C11orf16: variants seen among roughly 807,000 people sequenced by gnomAD.
The protein encoded by C11orf16 is uncharacterized protein C11orf16.
Under a neutral mutation model 45.1 loss-of-function variants are expected in C11orf16, and 38 were observed. The observed-to-expected ratio is 0.84, with a 90% CI of 0.65 to 1.10. The LOEUF (loss-of-function observed/expected upper bound fraction) is 1.10, where lower values mean the gene tolerates loss of function less well. C11orf16 is among the 50% of genes least tolerant of loss of function. The pLI, the probability that C11orf16 is intolerant of heterozygous loss-of-function variation, is 0.00. For missense variants in C11orf16, 583 were observed against 569.5 expected (o/e 1.02, Z -0.24); for synonymous variants, 221 against 222.0 (o/e 1.00, Z 0.04).
rs368764992 is a variant in C11orf16, at chr11:8,929,466, T to C, written c.235A>G (p.Arg79Gly). The change falls in exon 3 of 7, where the codon AGA (arginine) becomes GGA (glycine). Residue 79 changes from arginine (R) to glycine (G), a missense_variant. Physicochemically the swap from Arg to Gly is moderately radical, Grantham distance 125. Coordinates refer to ENST00000326053, the MANE Select transcript of C11orf16 (RefSeq NM_020643.3). ...CATGTGTTGGCAGCATCTCCAGCTC[T>C]TCCCAGCCAGCCAGGCCCCTGCCAT... Reference protein sequence around the residue: ...PAWQGPGWLGRAGDAANTWVL... With the variant: ...PAWQGPGWLGGAGDAANTWVL... 10 of 1,614,034 alleles carry C rather than the reference T, an allele frequency of 6.2e-6. No homozygotes were observed. Among genetic ancestry groups the C allele is most frequent in the Non-Finnish European group, 8.5e-6 (10 of 1,179,890 alleles).
intron 5 of C11orf16, 131 bp from the exon 6 acceptor site, chr11:8,921,646 G>T: frequency 1.1e-6 from 1 of 892,636 alleles, no homozygotes; most frequent in Non-Finnish European, 1.7e-6. Context: ...ATGTATTTGA[G>T]ACAGGGTCTT....
At chr11:8,932,391 G>T in intron 1 of C11orf16, 65 bp from the exon 2 acceptor site, 1 of 1,359,472 alleles carries the variant, frequency 7.4e-7, no homozygotes, top group Non-Finnish European at 9.8e-7. Context: ...CCGGGGCGAG[G>T]CAGGGCTCAG....
At position 8,927,120 on chromosome 11, in the gene C11orf16, G is replaced by C; in HGVS notation, c.379C>G (p.Pro127Ala). The change falls in exon 4 of 7, where the codon CCA becomes GCA. Residue 127 changes from proline (P) to alanine (A), a missense_variant. Coordinates refer to ENST00000326053, the MANE Select transcript of C11orf16 (RefSeq NM_020643.3). ...CTCTGCTGCTGGGCTGGCAGCTTTGGGCCTGCGACAAGAGGAGCCTCGAAT... is the reference window on the plus strand; with the variant it reads ...CTCTGCTGCTGGGCTGGCAGCTTTGCGCCTGCGACAAGAGGAGCCTCGAAT... ...VEFEAPLVAG[P>A]KLPAQQQRVV... 1 of 1,614,060 alleles carries C rather than the reference G, an allele frequency of 6.2e-7. No homozygotes were observed. The highest frequency in any genetic ancestry group is 1.1e-5 in the South Asian group (1 of 91,078).
At chr11:8,932,687 A>T (rs117564057) in intron 1 of C11orf16, among the ~76,000 whole-genome samples, 3,138 of 152,146 alleles carry the variant, frequency 0.021, 44 homozygotes, top group Middle Eastern at 0.034. Flanking sequence ...TTATGTTAGT[A>T]TTTTTCCTCC....
intron 6 of C11orf16, 40 bp downstream of exon 6, chr11:8,921,254 G>T: frequency 6.5e-7 from 1 of 1,532,140 alleles, no homozygotes; most frequent in Non-Finnish European, 9.0e-7. Flanking sequence ...ACCCATGTGA[G>T]GAGTCCTTAG....
Position 8,929,477 on chromosome 11 carries a change from C to T in C11orf16, c.224G>A (p.Gly75Asp), listed in dbSNP as rs1426560098. 2 of 1,614,004 alleles carry T rather than the reference C, an allele frequency of 1.2e-6. No homozygotes were observed. The highest frequency in any genetic ancestry group is 1.7e-6 in the Non-Finnish European group (2 of 1,180,014). The change falls in exon 3 of 7, where the codon GGC (glycine) becomes GAC (aspartate). Residue 75 changes from glycine to aspartate, a missense_variant. By Grantham distance (94) the Gly-to-Asp change is moderately conservative (BLOSUM62 -1). Transcript: ENST00000326053. ...HVADPAWQGP[G>D]WLGRAGDAAN... ...AGCATCTCCAGCTCTTCCCAGCCAG[C>T]CAGGCCCCTGCCATGCTGGGTCGGC...
At chr11:8,928,123 G>C (rs2064627227) in intron 3 of C11orf16, among the ~76,000 whole-genome samples, 1 of 152,036 alleles carries the variant, frequency 6.6e-6, no homozygotes, top group Non-Finnish European at 1.5e-5. Context: ...GGCCAGGCTG[G>C]TCTCGAATTT....
Position 8,921,310 on chromosome 11 carries a change from C to T in C11orf16, c.*6G>A, listed in dbSNP as rs2064570801. ...CTGCTTTACCTAGATCCTCAGGGCT[C>T]TTAGTCTAACGGGAATTCTTGTTCC... On this transcript the variant is annotated 3_prime_UTR_variant, in exon 6 of 7. Coordinates refer to ENST00000326053, the MANE Select transcript of C11orf16 (RefSeq NM_020643.3). 1.2e-6 allele frequency: 2 copies of T among 1,613,966 alleles called. No individual in the cohort carries two copies. Among genetic ancestry groups the T allele is most frequent in the Non-Finnish European group, 8.5e-7 (1 of 1,179,980 alleles).
Position 8,929,516 on chromosome 11 carries a change from G to A in C11orf16, c.185C>T (p.Pro62Leu), listed in dbSNP as rs771633494. Residue 62 changes from proline to leucine, a missense_variant, in exon 3 of 7, where the codon CCA becomes CTA. By Grantham distance (98) the Pro-to-Leu change is moderately conservative (BLOSUM62 -3). Coordinates refer to ENST00000326053, the MANE Select transcript of C11orf16 (RefSeq NM_020643.3). ...TGCTGGGTCGGCAACGTGGAGACAT[G>A]GGCAAGAAGAGGCATGCCTGGAAAA... ...KPLARHASSC[P>L]CLHVADPAWQ... The A allele has an allele frequency of 3.7e-6, 6 of 1,613,068 alleles. No homozygotes were observed. The highest frequency in any genetic ancestry group is 5.1e-6 in the Non-Finnish European group (6 of 1,179,678).
intron 4 of C11orf16, among the ~76,000 whole-genome samples, chr11:8,926,674 C>A (rs919284192): frequency 6.6e-6 from 1 of 152,068 alleles, no homozygotes; most frequent in Non-Finnish European, 1.5e-5. Flanking sequence ...AGTAGCTAAA[C>A]CATGGTTTAG....
chr11:8,929,376 C>A lies in C11orf16; in HGVS notation c.324+1G>T. On this transcript the variant is annotated splice_donor_variant, in intron 3 of 6. Transcript: ENST00000326053. LOFTEE classifies it high-confidence loss of function. Reference sequence around the variant, plus strand: ...GGGAGATACTGGGGTCAGGGACTTGCCTCGGGAGTGGCCTTTATTTGGGCC... The same window carrying A: ...GGGAGATACTGGGGTCAGGGACTTGACTCGGGAGTGGCCTTTATTTGGGCC... 1 of 1,613,148 alleles carries A rather than the reference C, an allele frequency of 6.2e-7. No individual in the cohort carries two copies. Among genetic ancestry groups the A allele is most frequent in the Non-Finnish European group, 8.5e-7 (1 of 1,179,510 alleles).
In C11orf16 at chr11:8,926,095, T is replaced by C. The variant is rs780606122; in HGVS notation, c.572A>G (p.Lys191Arg). 8 of 1,596,772 alleles carry C rather than the reference T, an allele frequency of 5.0e-6. No homozygotes were observed. In the South Asian group the frequency reaches 8.9e-5, roughly 18 times the overall value. ...ATTCCAGAAATGAACAGTGATTTCTTTTTCCTTTGATGCTACATAACAAAA... is the reference window on the plus strand; with the variant it reads ...ATTCCAGAAATGAACAGTGATTTCTCTTTCCTTTGATGCTACATAACAAAA... ...MRDPQRASKE[K>R]EITVHFWNGK... is the part of the protein sequence containing the mutation. The change falls in exon 5 of 7, where the codon AAA (lysine) becomes AGA (arginine). Residue 191 changes from lysine (K) to arginine (R), a missense_variant. Lys to Arg is a conservative substitution (Grantham distance 26). Transcript: ENST00000326053.
In C11orf16 at chr11:8,922,635, A is replaced by C. The variant is rs75751935; in HGVS notation, c.1205-1120T>G. ...GAAAGTGTGGAGGACAGAGAAACCT[A>C]TGCAAGAGCTTTTGTGAGAGGCAAA... is the stretch of plus-strand genomic sequence containing the variant. On this transcript the variant is annotated intron_variant, in intron 5 of 6. Coordinates refer to ENST00000326053, the MANE Select transcript of C11orf16 (RefSeq NM_020643.3). 7.2e-3 allele frequency among the ~76,000 whole-genome samples: 1,091 copies of C among 152,314 alleles called. 6 individuals are homozygous for C. Among genetic ancestry groups the C allele is most frequent in the Non-Finnish European group, 0.012 (839 of 68,026 alleles).
chr11:8,921,517 T>C lies in C11orf16; in HGVS notation c.1205-2A>G. On this transcript the variant is annotated splice_acceptor_variant, in intron 5 of 6. Coordinates refer to ENST00000326053, the MANE Select transcript of C11orf16 (RefSeq NM_020643.3). LOFTEE classifies it high-confidence loss of function. Reference sequence around the variant, plus strand: ...TGCAGATGTTGGAATATCTTGTTCCTAAACCCAAAAGTCAATTACTTAGGT... The same window carrying C: ...TGCAGATGTTGGAATATCTTGTTCCCAAACCCAAAAGTCAATTACTTAGGT... 6.2e-7 allele frequency: 1 copy of C among 1,614,100 alleles called. No individual in the cohort carries two copies. The highest frequency in any genetic ancestry group is 8.5e-7 in the Non-Finnish European group (1 of 1,179,944).
chr11:8,921,470 T>TG lies in C11orf16; in HGVS notation c.1249dup (p.Gln417ProfsTer33). The TG allele has an allele frequency of 6.2e-7, 1 of 1,614,230 alleles. No homozygotes were observed. The highest frequency in any genetic ancestry group is 8.5e-7 in the Non-Finnish European group (1 of 1,180,020). On this transcript the variant is annotated frameshift_variant, in exon 6 of 7. Coordinates refer to ENST00000326053, the MANE Select transcript of C11orf16 (RefSeq NM_020643.3). LOFTEE classifies it high-confidence loss of function. ...CACTACTGCAGTTTGTGCTCTCTGC[T>TG]GTTTGTGATCCTTTTCTTCTTTGCA...
intron 2 of C11orf16, among the ~76,000 whole-genome samples, chr11:8,930,430 A>G (rs80233767): frequency 6.7e-6 from 1 of 150,102 alleles, no homozygotes; most frequent in Admixed American, 6.6e-5. Context: ...GTCTCAAAAA[A>G]AAAAAAAAAA....
intron 5 of C11orf16, 82 bp downstream of exon 5, chr11:8,925,381 A>G (rs932666049): frequency 2.5e-5 from 33 of 1,310,056 alleles, no homozygotes; most frequent in Non-Finnish European, 2.9e-5. Flanking sequence ...ACGTGCATCA[A>G]ATTCCTAAGG....
intron 1 of C11orf16, 32 bp from the exon 2 acceptor site, chr11:8,932,358 C>T (rs1207151338): frequency 1.3e-6 from 2 of 1,510,028 alleles, no homozygotes; most frequent in South Asian, 2.6e-5. Context: ...ACCTGAGCTG[C>T]AGCTTGAAGC....
intron 3 of C11orf16, chr11:8,927,584 A>G (rs967231477): frequency 2.8e-5 from 13 of 458,006 alleles, no homozygotes; most frequent in Middle Eastern, 3.2e-4. Context: ...GTCCAAGACC[A>G]ACCAGGGATG....
Sources: allele counts gnomAD v4.1 joint callset (sites outside exome capture counted in the v4.1 genomes callset), GRCh38; gene constraint gnomAD v4.1.1; transcripts MANE v1.5; gene names NCBI Gene and HGNC (gene_info 2026-07-23, HGNC 2026-07-21).